SYNE1: variants seen among roughly 807,000 people sequenced by gnomAD.
The protein encoded by SYNE1 is spectrin repeat containing nuclear envelope protein 1.
SYNE1 carries 616 observed loss-of-function variants against 1,111.0 expected under a neutral mutation model. That is an observed-to-expected ratio of 0.55 (90% CI 0.52 to 0.59). The LOEUF is 0.59. Among genes scored for constraint, SYNE1 ranks in the 20% least tolerant of loss-of-function variants. The pLI, the probability that SYNE1 is intolerant of heterozygous loss-of-function variation, is 0.00. For missense variants in SYNE1, 10,006 were observed against 10,417.0 expected (o/e 0.96, Z 1.72); for synonymous variants, 3,855 against 3,825.8 (o/e 1.01, Z -0.28).
intron 112 of SYNE1, among the ~76,000 whole-genome samples, chr6:152,233,479 C>T (rs1187005421): frequency 6.6e-6 from 1 of 152,140 alleles, no homozygotes; most frequent in African/African-American, 2.4e-5. Context: ...CGCACACCGC[C>T]ACGCCAGGCT....
intron 93 of SYNE1, among the ~76,000 whole-genome samples, chr6:152,296,508 C>T (rs1309226322): frequency 1.3e-5 from 2 of 152,180 alleles, no homozygotes; most frequent in Admixed American, 1.3e-4. Flanking sequence ...CTGATTTCTC[C>T]TCCCCCTTAA....
rs2096320802 is a variant in SYNE1 at position 152,334,157 on chromosome 6, A to G, written c.12645T>C (p.Asn4215=). The change falls in exon 77 of 146, where the codon AAT becomes AAC. Residue 4215 remains asparagine, a synonymous_variant. Transcript: ENST00000367255. ...GACGGCACAAATCGAGCCACTGATC[A>G]TTTAAATGATTTATTTCCTTGTGTT... ...SPEHKEINHL[N]DQWLDLCRQS... is the part of the protein sequence containing the mutation. 3.1e-6 allele frequency: 5 copies of G among 1,614,070 alleles called. No homozygotes were observed. The highest frequency in any genetic ancestry group is 1.6e-4 in the Middle Eastern group (1 of 6,084).
At chr6:152,409,044 C>T (rs746845214) in intron 44 of SYNE1, 24 bp downstream of exon 44, 2 of 1,611,402 alleles carry the variant, frequency 1.2e-6, no homozygotes, top group Admixed American at 3.3e-5. Context: ...AAATAGTTCA[C>T]AGAATCCCAG....
In SYNE1 at chr6:152,215,003, C is replaced by G. The variant is rs1324268046; in HGVS notation, c.22249G>C (p.Gly7417Arg). The G allele has an allele frequency of 6.2e-7, 1 of 1,613,990 alleles. No individual in the cohort carries two copies. Among genetic ancestry groups the G allele is most frequent in the African/African-American group, 1.3e-5 (1 of 74,922 alleles). ...APDLDRLNEL[G>R]YRLPLNDKEI... Reference sequence around the variant, plus strand: ...TTATCATTCAAGGGTAACCTATATCCAAGCTCATTTAGACGGTCTAAATCT... The same window carrying G: ...TTATCATTCAAGGGTAACCTATATCGAAGCTCATTTAGACGGTCTAAATCT... Residue 7417 changes from glycine to arginine, a missense_variant, in exon 122 of 146, where the codon GGA becomes CGA. Physicochemically the swap from Gly to Arg is moderately radical, Grantham distance 125. Transcript: ENST00000367255.
At chr6:152,555,981 G>A (rs1184772169) in intron 3 of SYNE1, among the ~76,000 whole-genome samples, 1 of 152,152 alleles carries the variant, frequency 6.6e-6, no homozygotes, top group African/African-American at 2.4e-5. Context: ...CTGCTGTGAT[G>A]CCAGAGGCAA....
At chr6:152,197,184 C>T (rs1454253544) in intron 127 of SYNE1, among the ~76,000 whole-genome samples, 5 of 152,196 alleles carry the variant, frequency 3.3e-5, no homozygotes, top group Non-Finnish European at 5.9e-5. Context: ...CTTTCCTACC[C>T]TCTTCATTGC....
chr6:152,333,388 T>G (rs576883754), intron 77 of SYNE1, among the ~76,000 whole-genome samples: 1 of 152,276 alleles, frequency 6.6e-6, no homozygotes, highest in Non-Finnish European at 1.5e-5. Flanking sequence ...AAGGATTCAT[T>G]TCATGAATTC....
In SYNE1 at chr6:152,546,248, T is replaced by C. The variant is rs73633232; in HGVS notation, c.68-6227A>G. On this transcript the variant is annotated intron_variant, in intron 3 of 145. Coordinates refer to ENST00000367255, the MANE Select transcript of SYNE1 (RefSeq NM_182961.4). ...TTTACAGGTGCTTATAACTACTCAA[T>C]GTTAAGATTTTAAAATTGAATATAT... 1.7e-3 allele frequency: 260 copies of C among 152,308 alleles called. 1 individual carries two copies. Among genetic ancestry groups the C allele is most frequent in the African/African-American group, 6.1e-3 (254 of 41,574 alleles). 9.4% of individuals were successfully genotyped at this position (152,308 alleles called of 1,614,324 possible).
At chr6:152,387,523 A>T (rs568895883) in intron 53 of SYNE1, 142 bp from the exon 54 acceptor site, 1 of 787,050 alleles carries the variant, frequency 1.3e-6, no homozygotes, top group African/African-American at 1.7e-5. Flanking sequence ...GAGTGCAGGG[A>T]GAAACACTAC....
chr6:152,472,506 G>A (rs1283423730), intron 14 of SYNE1, 93 bp from the exon 15 acceptor site: 1 of 1,158,052 alleles, frequency 8.6e-7, no homozygotes, highest in African/African-American at 1.5e-5. Flanking sequence ...ATGAGTCAAT[G>A]TATTCAACAA....
intron 56 of SYNE1, among the ~76,000 whole-genome samples, chr6:152,379,799 C>A (rs2097367242): frequency 6.6e-6 from 1 of 152,096 alleles, no homozygotes; most frequent in Non-Finnish European, 1.5e-5. Context: ...AGGCCTCAAC[C>A]ATTATTTTTA....
intron 55 of SYNE1, among the ~76,000 whole-genome samples, chr6:152,384,705 G>A (rs1440951804): frequency 1.3e-5 from 2 of 151,890 alleles, no homozygotes; most frequent in Admixed American, 6.6e-5. Context: ...GTGAAGCCCC[G>A]TCTCTACTAA....
intron 89 of SYNE1, among the ~76,000 whole-genome samples, 168 bp from the exon 90 acceptor site, chr6:152,310,185 T>C (rs1242714376): frequency 6.6e-6 from 1 of 152,114 alleles, no homozygotes; most frequent in Non-Finnish European, 1.5e-5. Flanking sequence ...TTCACGTCTG[T>C]AACCCCAGCA....
At chr6:152,489,382 C>T (rs1169391084) in intron 11 of SYNE1, among the ~76,000 whole-genome samples, 5 of 151,468 alleles carry the variant, frequency 3.3e-5, no homozygotes, top group African/African-American at 1.2e-4. Flanking sequence ...GGAAAGAATG[C>T]CATTTATGGA....
chr6:152,380,979 C>T, intron 56 of SYNE1, 27 bp downstream of exon 56: 1 of 1,604,880 alleles, frequency 6.2e-7, no homozygotes, highest in South Asian at 1.1e-5. Context: ...AGCATAACCA[C>T]CAATAGAAAA....
chr6:152,438,164 G>C (rs1413470277), intron 32 of SYNE1, among the ~76,000 whole-genome samples: 1 of 152,050 alleles, frequency 6.6e-6, no homozygotes, highest in Non-Finnish European at 1.5e-5. Flanking sequence ...TAAATTCTTT[G>C]GATAAAAGCA....
intron 24 of SYNE1, among the ~76,000 whole-genome samples, chr6:152,455,043 A>T (rs214970): frequency 6.6e-6 from 1 of 152,000 alleles, no homozygotes; most frequent in African/African-American, 2.4e-5. Context: ...GTGACACAGT[A>T]TCTATACTAT....
At position 152,338,947 on chromosome 6, in the gene SYNE1, G is replaced by A. The variant is rs13196107; in HGVS notation, c.12351+294C>T. ...AAAAGAACAAAAAAAGGTGTGGCAAGATAGGAAAATTGAGAGAATGGTCAT... is the reference window on the plus strand; with the variant it reads ...AAAAGAACAAAAAAAGGTGTGGCAAAATAGGAAAATTGAGAGAATGGTCAT... On this transcript the variant is annotated intron_variant, in intron 75 of 145. Transcript: ENST00000367255. Among the ~76,000 whole-genome samples the A allele has an allele frequency of 0.17, 26,076 of 152,138 alleles. 2,371 individuals are homozygous for A. The highest frequency in any genetic ancestry group is 0.2 in the African/African-American group (8,139 of 41,506).
In SYNE1 at chr6:152,347,103, C is replaced by A; in HGVS notation, c.12034G>T (p.Gly4012Cys). 6.2e-7 allele frequency: 1 copy of A among 1,614,142 alleles called. No homozygotes were observed. The change falls in exon 73 of 146, where the codon GGC (glycine) becomes TGC (cysteine). Residue 4012 changes from glycine to cysteine, a missense_variant. Gly to Cys is a radical substitution (Grantham distance 159). This residue lies in a region of SYNE1 where 4,955 missense variants were observed against 5,017.2 expected (regional missense o/e 0.99). Coordinates refer to ENST00000367255, the MANE Select transcript of SYNE1 (RefSeq NM_182961.4). ...ATCGCTGAGTAGCTGTCCTTTGTGC[C>A]CTGCAGATGAGCATGCACGTTTTGT... ...LKQNVHAHLQ[G>C]TKDSYSAICS...
Sources: gnomAD v4.1 joint callset for allele counts (sites outside exome capture counted in the v4.1 genomes callset) on GRCh38, gnomAD v4.1.1 for gene constraint, gnomAD v4.1.1 regional missense constraint, MANE v1.5 for transcripts, NCBI Gene and HGNC (gene_info 2026-07-23, HGNC 2026-07-21) for gene names.